The following CCSER1 variants were observed in gnomAD, a reference collection of about 807,000 sequenced individuals.
CCSER1 encodes coiled-coil serine rich protein 1, also known as serine-rich coiled-coil domain-containing protein 1.
Under a neutral mutation model 82.0 loss-of-function variants are expected in CCSER1, and 41 were observed. The ratio of observed to expected loss-of-function variants is 0.50; its 90% confidence interval spans 0.39 to 0.65. The LOEUF is 0.65. Ranked by LOEUF, CCSER1 falls within the 30% of genes least tolerant of loss-of-function variation. CCSER1 has a pLI of 0.00. For missense variants in CCSER1, 1,119 were observed against 1,064.2 expected (o/e 1.05, Z -0.72); for synonymous variants, 414 against 383.9 (o/e 1.08, Z -0.92).
intron 1 of CCSER1, among the ~76,000 whole-genome samples, chr4:90,243,104 T>G (rs1407266277): frequency 2.0e-5 from 3 of 149,822 alleles, no homozygotes; most frequent in Non-Finnish European, 4.4e-5. Context: ...TGGTCTCTTG[T>G]CCAGGCTGAA....
At chr4:90,836,379 A>G (rs1377189548) in intron 8 of CCSER1, among the ~76,000 whole-genome samples, 3 of 152,038 alleles carry the variant, frequency 2.0e-5, no homozygotes, top group African/African-American at 7.2e-5. Flanking sequence ...GGATGAGCAG[A>G]TGCATATTCT....
At chr4:90,802,079 A>T (rs1756904135) in intron 7 of CCSER1, among the ~76,000 whole-genome samples, 1 of 151,722 alleles carries the variant, frequency 6.6e-6, no homozygotes, top group African/African-American at 2.4e-5. Context: ...TTAGCCAGGC[A>T]TGGTGGTGGG....
At chr4:91,001,890 C>A (rs187544131) in intron 9 of CCSER1, among the ~76,000 whole-genome samples, 1 of 151,980 alleles carries the variant, frequency 6.6e-6, no homozygotes, top group Non-Finnish European at 1.5e-5. Context: ...TGTTTTGATG[C>A]GTCTCCAGGA....
intron 9 of CCSER1, among the ~76,000 whole-genome samples, chr4:90,943,441 G>A (rs1187597086): frequency 6.6e-6 from 1 of 152,136 alleles, no homozygotes; most frequent in Non-Finnish European, 1.5e-5. Flanking sequence ...ATCCTGAAAA[G>A]TAATGACTAA....
intron 3 of CCSER1, among the ~76,000 whole-genome samples, chr4:90,392,816 A>C (rs1332439011): frequency 6.6e-6 from 1 of 152,190 alleles, no homozygotes; most frequent in African/African-American, 2.4e-5. Flanking sequence ...TGTGGCTGCT[A>C]TGCTGAGAGT....
chr4:90,912,372 C>T (rs1287471156), intron 8 of CCSER1, among the ~76,000 whole-genome samples: 1 of 152,176 alleles, frequency 6.6e-6, no homozygotes, highest in Non-Finnish European at 1.5e-5. Context: ...GATACCAAGG[C>T]AAACAGGGTC....
intron 10 of CCSER1, among the ~76,000 whole-genome samples, chr4:91,347,471 G>A (rs1453049075): frequency 6.7e-6 from 1 of 149,970 alleles, no homozygotes. Flanking sequence ...ATGAAATTTA[G>A]AACACATTAT....
intron 1 of CCSER1, among the ~76,000 whole-genome samples, chr4:90,230,958 T>G (rs1449906216): frequency 6.6e-6 from 1 of 151,986 alleles, no homozygotes; most frequent in Non-Finnish European, 1.5e-5. Flanking sequence ...AATAACAGGA[T>G]CTGAAATTGT....
intron 9 of CCSER1, among the ~76,000 whole-genome samples, chr4:90,931,992 C>T (rs976588112): frequency 1.3e-5 from 2 of 152,056 alleles, no homozygotes; most frequent in Admixed American, 6.5e-5. Context: ...GGAAAATATT[C>T]CATAAATGTT....
At chr4:90,153,345 T>A (rs1269676658) in intron 1 of CCSER1, among the ~76,000 whole-genome samples, 1 of 152,148 alleles carries the variant, frequency 6.6e-6, no homozygotes, top group African/African-American at 2.4e-5. Flanking sequence ...GCAATAAACA[T>A]ACATGTGCAT....
intron 4 of CCSER1, among the ~76,000 whole-genome samples, chr4:90,413,460 C>T (rs1755212702): frequency 6.6e-6 from 1 of 152,108 alleles, no homozygotes. Context: ...CCCTAAAATT[C>T]ATATGGAACC....
rs1730150208 is a variant in CCSER1 at position 90,932,958 on chromosome 4, GAAAGAAAGAAAGAA to G, written c.2172+9513_2172+9526del. ...AGAAAGAAAGAAAGAAAGAAAGAAA[GAAAGAAAGAAAGAA>G]AGAAAGAAAGAGAAAGAAAGAAAGA... On this transcript the variant is annotated intron_variant, in intron 9 of 10. Coordinates refer to ENST00000509176, the MANE Select transcript of CCSER1 (RefSeq NM_001145065.2). Among the ~76,000 whole-genome samples the G allele has an allele frequency of 8.9e-5, 3 of 33,866 alleles. 1 individual carries two copies. The highest frequency in any genetic ancestry group is 1.6e-4 in the Non-Finnish European group (3 of 18,998). 22.2% of individuals were successfully genotyped at this position (33,866 alleles called of 152,430 possible). A position where few individuals can be genotyped will look rare whatever the true frequency, so the allele number is the denominator to read the frequency against.
At chr4:90,747,254 T>A (rs1421223550) in intron 7 of CCSER1, among the ~76,000 whole-genome samples, 1 of 152,248 alleles carries the variant, frequency 6.6e-6, no homozygotes, top group Non-Finnish European at 1.5e-5. Flanking sequence ...TCTTTGCAGT[T>A]CTAGAATGAA....
Position 91,400,188 on chromosome 4 carries a change from AACTT to A in CCSER1, c.2218-198379_2218-198376del, listed in dbSNP as rs546516837. 2.0e-4 allele frequency among the ~76,000 whole-genome samples: 31 copies of A among 152,118 alleles called. No homozygotes were observed. The East Asian group carries it at 5.0e-3, about 25-fold the overall frequency. On this transcript the variant is annotated intron_variant, in intron 10 of 10. Transcript: ENST00000509176. Reference sequence around the variant, plus strand: ...TAAAAACTAGATCTCTTACATATAGAACTTACTTTCTTGCTTGGTTTTTCAGATT... The same window carrying A: ...TAAAAACTAGATCTCTTACATATAGAACTTTCTTGCTTGGTTTTTCAGATT...
intron 10 of CCSER1, among the ~76,000 whole-genome samples, chr4:91,501,568 T>G (rs190888042): frequency 1.3e-5 from 2 of 152,216 alleles, no homozygotes; most frequent in Non-Finnish European, 2.9e-5. Context: ...TTTTCACTTA[T>G]TCCTTATGTT....
chr4:91,411,518 A>ATATATG, intron 10 of CCSER1, among the ~76,000 whole-genome samples: 1 of 116,312 alleles, frequency 8.6e-6, no homozygotes, highest in African/African-American at 3.2e-5. Context: ...ATATATATAT[A>ATATATG]TATATATAAA....
chr4:91,063,063 A>G (rs938089602), intron 9 of CCSER1, among the ~76,000 whole-genome samples: 1 of 152,146 alleles, frequency 6.6e-6, no homozygotes, highest in African/African-American at 2.4e-5. Flanking sequence ...TTTAAAATGA[A>G]AAACAGATAC....
chr4:90,206,055 AT>A (rs1738757325), intron 1 of CCSER1, among the ~76,000 whole-genome samples: 1 of 151,148 alleles, frequency 6.6e-6, no homozygotes, highest in East Asian at 2.0e-4. Context: ...CTCCTTTATC[AT>A]TTTTTATTGT....
At chr4:91,372,531 CT>C (rs1173711885) in intron 10 of CCSER1, among the ~76,000 whole-genome samples, 2 of 151,062 alleles carry the variant, frequency 1.3e-5, no homozygotes, top group Non-Finnish European at 2.9e-5. Flanking sequence ...TTCTATTGTT[CT>C]TTCTTTTTTT....
Sources: allele counts gnomAD v4.1 joint callset (sites outside exome capture counted in the v4.1 genomes callset), GRCh38; gene constraint gnomAD v4.1.1; transcripts MANE v1.5; gene names NCBI Gene and HGNC (gene_info 2026-07-23, HGNC 2026-07-21).